PAPLN: variants seen among roughly 807,000 people sequenced by gnomAD.
PAPLN encodes the protein papilin, proteoglycan like sulfated glycoprotein.
Under a neutral mutation model 159.0 loss-of-function variants are expected in PAPLN, and 146 were observed. The observed-to-expected ratio is 0.92, with a 90% CI of 0.80 to 1.05. The LOEUF is 1.05. Ranked by LOEUF, PAPLN falls within the 50% of genes least tolerant of loss-of-function variation. The pLI, the probability that PAPLN is intolerant of heterozygous loss-of-function variation, is 0.00. For synonymous variants in PAPLN, 734 were observed against 702.9 expected (o/e 1.04, Z -0.70); for missense variants, 1,720 against 1,743.9 (o/e 0.99, Z 0.24).
At chr14:73,239,737 G>A (rs780061786) in intron 1 of PAPLN, 36 bp from the exon 2 acceptor site, 7 of 1,543,816 alleles carry the variant, frequency 4.5e-6, no homozygotes, top group African/African-American at 1.4e-5. Flanking sequence ...AGCTGCGGGA[G>A]CCCCGGGCCG....
intron 22 of PAPLN, 36 bp downstream of exon 22, chr14:73,264,762 C>A (rs373264996): frequency 3.7e-6 from 6 of 1,610,002 alleles, no homozygotes; most frequent in Non-Finnish European, 5.1e-6. Flanking sequence ...CCCTCCCCCA[C>A]GCCAGGGCCA....
intron 26 of PAPLN, among the ~76,000 whole-genome samples, chr14:73,270,044 G>A (rs776720748): frequency 6.6e-6 from 1 of 152,260 alleles, no homozygotes; most frequent in African/African-American, 2.4e-5. Flanking sequence ...AGGTGCTCAT[G>A]TTGTGGCTGG....
chr14:73,248,128 A>G (rs1884802864), intron 5 of PAPLN, among the ~76,000 whole-genome samples: 6 of 91,870 alleles, frequency 6.5e-5, no homozygotes, highest in East Asian at 2.9e-4. Flanking sequence ...TGTTGTGGGG[A>G]TCGTGGCTGT....
chr14:73,252,040 C>A lies in PAPLN; in HGVS notation c.866C>A (p.Pro289His). Residue 289 changes from proline to histidine, a missense_variant, in exon 10 of 27, where the codon CCC (proline) becomes CAC (histidine). Coordinates refer to ENST00000644200, the MANE Select transcript of PAPLN (RefSeq NM_001365906.3). ...VIELISQEPN[P>H]GVHYEYHLPL... is the part of the protein sequence containing the mutation. ...CAGCTCATCAGCCAGGAGCCCAACCCCGGTGTGCACTATGAGTACCACCTG... is the reference window on the plus strand; with the variant it reads ...CAGCTCATCAGCCAGGAGCCCAACCACGGTGTGCACTATGAGTACCACCTG... 1 of 1,611,686 alleles carries A rather than the reference C, an allele frequency of 6.2e-7. No homozygotes were observed.
At chr14:73,240,222 G>C (rs1883392148) in intron 2 of PAPLN, among the ~76,000 whole-genome samples, 1 of 152,018 alleles carries the variant, frequency 6.6e-6, no homozygotes, top group South Asian at 2.1e-4. Context: ...CTAAGCTGGG[G>C]TGTTTTGGCC....
Position 73,246,073 on chromosome 14 carries a change from A to G in PAPLN, c.232A>G (p.Ser78Gly), listed in dbSNP as rs1884250192. 6.5e-7 allele frequency: 1 copy of G among 1,545,600 alleles called. No individual in the cohort carries two copies. The highest frequency in any genetic ancestry group is 2.6e-5 in the East Asian group (1 of 39,022). The change falls in exon 5 of 27, where the codon AGC becomes GGC. Residue 78 changes from serine to glycine, a missense_variant and splice_region_variant. Transcript: ENST00000644200. ...TCCCGACTTCCCCTCCGCCCCGCAG[A>G]GCTGCCCCGACGGCGCCCGGGACTT... ...ARSHRSCRTESCPDGARDFRA... is the reference protein window; with the variant it reads ...ARSHRSCRTEGCPDGARDFRA...
At chr14:73,250,840 C>A in intron 6 of PAPLN, 67 bp from the exon 7 acceptor site, 2 of 1,512,712 alleles carry the variant, frequency 1.3e-6, no homozygotes, top group Admixed American at 4.1e-5. Flanking sequence ...GGTTAGGATG[C>A]GACGGGGCCC....
Position 73,264,198 on chromosome 14 carries a change from C to T in PAPLN, c.2862-13C>T, listed in dbSNP as rs144682426. The T allele has an allele frequency of 1.4e-4, 223 of 1,613,374 alleles. No individual in the cohort carries two copies. The African/African-American group carries it at 2.2e-3, about 16-fold the overall frequency. ...AGCCCAGAGCTCATGTCCTCCCACA[C>T]CACCCCACTCAGGCACAGGCTGCAG... On this transcript the variant is annotated splice_polypyrimidine_tract_variant and intron_variant, in intron 20 of 26. Transcript: ENST00000644200.
At chr14:73,250,154 TG>T (rs1885079643) in intron 6 of PAPLN, 40 bp downstream of exon 6, 5 of 1,560,602 alleles carry the variant, frequency 3.2e-6, no homozygotes, top group African/African-American at 1.4e-5. Flanking sequence ...CCGGGCTGCC[TG>T]GGGGCTCAGT....
At chr14:73,248,106 T>TGCGCGCGC (rs1555361147) in intron 5 of PAPLN, among the ~76,000 whole-genome samples, 6 of 78,482 alleles carry the variant, frequency 7.6e-5, no homozygotes, top group Admixed American at 6.8e-4. Flanking sequence ...TGTGTGTGTG[T>TGCGCGCGC]GCGCGTGTGT....
At position 73,245,978 on chromosome 14, in the gene PAPLN, G is replaced by A. The variant is rs939559349; in HGVS notation, c.232-95G>A. 3.4e-5 allele frequency: 43 copies of A among 1,279,336 alleles called. No homozygotes were observed. The highest frequency in any genetic ancestry group is 4.3e-5 in the Non-Finnish European group (41 of 956,852). The allele number at this position is 1,279,336 out of a possible 1,614,324, so 79.2% of individuals were successfully genotyped here. The stretch of plus-strand genomic sequence containing the variant: ...CGGCGGCTCCGATGGGGCAGGCAAG[G>A]GAGACTCCTGGGCTCCCTGGGCTCG... On this transcript the variant is annotated intron_variant, in intron 4 of 26. Coordinates refer to ENST00000644200, the MANE Select transcript of PAPLN (RefSeq NM_001365906.3). This position sits in a 1 kb window ranked among gnomAD's most constrained non-coding sequence, Gnocchi z 4.2.
rs1450358749 is a variant in PAPLN at position 73,264,633 on chromosome 14, C to T, written c.3032C>T (p.Pro1011Leu). ...TCTGAGGCTGAGCTGAGCCGCTTCC[C>T]TCAGCCCAGGGACCCAGCTCAGGAC... is the stretch of plus-strand genomic sequence containing the variant. The part of the protein sequence containing the change: ...VLSEAELSRF[P>L]QPRDPAQDFG... Residue 1011 changes from proline (P) to leucine (L), a missense_variant, in exon 22 of 27, where the codon CCT (proline) becomes CTT (leucine). Pro to Leu is a moderately conservative substitution (Grantham distance 98). Transcript: ENST00000644200. 1.2e-6 allele frequency: 2 copies of T among 1,603,414 alleles called. No individual in the cohort carries two copies. Among genetic ancestry groups the T allele is most frequent in the Non-Finnish European group, 1.7e-6 (2 of 1,177,422 alleles).
At position 73,265,244 on chromosome 14, in the gene PAPLN, G is replaced by A; in HGVS notation, c.3126-126G>A. 6.9e-7 allele frequency: 1 copy of A among 1,442,542 alleles called. No individual in the cohort carries two copies. The highest frequency in any genetic ancestry group is 9.3e-7 in the Non-Finnish European group (1 of 1,079,190). The allele number at this position is 1,442,542 out of a possible 1,614,324, so 89.4% of individuals were successfully genotyped here. On this transcript the variant is annotated intron_variant, in intron 22 of 26. Transcript: ENST00000644200. This position sits in a 1 kb window ranked among gnomAD's most constrained non-coding sequence, Gnocchi z 4.1. The stretch of plus-strand genomic sequence containing the variant: ...CATTTCCTAACCAGAACAAGGCAGG[G>A]GATTTTAGGAAGCTGAATCTGGCTG...
chr14:73,267,761 T>C (rs557761157), intron 25 of PAPLN, among the ~76,000 whole-genome samples: 1 of 152,334 alleles, frequency 6.6e-6, no homozygotes, highest in South Asian at 2.1e-4. Context: ...CATCCCCTGA[T>C]CAGCCTGTCA....
chr14:73,268,453 G>A (rs1270896127), intron 25 of PAPLN, 104 bp from the exon 26 acceptor site: 1 of 1,207,660 alleles, frequency 8.3e-7, no homozygotes, highest in East Asian at 2.5e-5. Flanking sequence ...GCTCTCAAGG[G>A]GTGGGAACGG....
Position 73,263,764 on chromosome 14 carries a change from A to G in PAPLN, c.2843A>G (p.Gln948Arg). 1 of 1,604,928 alleles carries G rather than the reference A, an allele frequency of 6.2e-7. No individual in the cohort carries two copies. Among genetic ancestry groups the G allele is most frequent in the Non-Finnish European group, 8.5e-7 (1 of 1,179,786 alleles). Residue 948 changes from glutamine to arginine, a missense_variant, in exon 20 of 27, where the codon CAG (glutamine) becomes CGG (arginine). Coordinates refer to ENST00000644200, the MANE Select transcript of PAPLN (RefSeq NM_001365906.3). ...ESQAAWQKDG[Q>R]PISSDRHRLQ... ...CAGGCTGCCTGGCAGAAAGATGGCC[A>G]GCCCATCTCCTCTGACAGGTGGGTG...
At position 73,252,027 on chromosome 14, in the gene PAPLN, C is replaced by T; in HGVS notation, c.853C>T (p.Gln285Ter). The T allele has an allele frequency of 6.2e-7, 1 of 1,608,956 alleles. No homozygotes were observed. The highest frequency in any genetic ancestry group is 1.1e-5 in the South Asian group (1 of 90,426). ...GACTCTCCCGTGACAGCTCATCAGC[C>T]AGGAGCCCAACCCCGGTGTGCACTA... ...SEPLVIELISQEPNPGVHYEY... is the reference protein window; with the variant it reads ...SEPLVIELIS Residue 285 changes from glutamine (Q) to a stop codon, truncating the protein, a stop_gained, in exon 10 of 27, where the codon CAG becomes TAG. Transcript: ENST00000644200. LOFTEE classifies it high-confidence loss of function.
rs775151308 is a variant in PAPLN, at chr14:73,266,495, C to T, written c.3264-6C>T. On this transcript the variant is annotated splice_region_variant and splice_polypyrimidine_tract_variant and intron_variant, in intron 23 of 26. Transcript: ENST00000644200. ...CTGGAGCCAACTGGCTGTACTTGGT[C>T]CCCAGACACCAGCTGCAGCCTGATG... 1.2e-6 allele frequency: 2 copies of T among 1,613,528 alleles called. No homozygotes were observed. Among genetic ancestry groups the T allele is most frequent in the Non-Finnish European group, 1.7e-6 (2 of 1,179,796 alleles).
chr14:73,269,169 G>A (rs1203945208), intron 26 of PAPLN, among the ~76,000 whole-genome samples: 2 of 152,154 alleles, frequency 1.3e-5, no homozygotes, highest in African/African-American at 4.8e-5. Flanking sequence ...GAAAGGAAAG[G>A]GCAGGGATTA....
Sources: allele counts gnomAD v4.1 joint callset (sites outside exome capture counted in the v4.1 genomes callset), GRCh38; gene constraint gnomAD v4.1.1; non-coding constraint Gnocchi (gnomAD v3.1); transcripts MANE v1.5; gene names NCBI Gene and HGNC (gene_info 2026-07-23, HGNC 2026-07-21).